PARPBP: variants seen among roughly 807,000 people sequenced by gnomAD.
PARPBP encodes the protein PCNA-interacting partner.
PARPBP carries 52 observed loss-of-function variants against 50.0 expected under a neutral mutation model. The observed-to-expected ratio is 1.04, with a 90% confidence interval of 0.83 to 1.31. The LOEUF is 1.31. PARPBP is among the 50% of genes most tolerant of loss of function. The pLI is 0.00. For synonymous variants in PARPBP, 244 were observed against 232.1 expected (o/e 1.05, Z -0.47); for missense variants, 697 against 672.0 (o/e 1.04, Z -0.41).
At chr12:102,159,873 A>G (rs1887375989) in intron 4 of PARPBP, among the ~76,000 whole-genome samples, 1 of 152,254 alleles carries the variant, frequency 6.6e-6, no homozygotes, top group East Asian at 1.9e-4. Context: ...CCTCTCAGTA[A>G]GAAGAGATAG....
At chr12:102,171,493 C>T (rs12426385) in intron 6 of PARPBP, among the ~76,000 whole-genome samples, 6,843 of 152,114 alleles carry the variant, frequency 0.045, 423 homozygotes, top group East Asian at 0.3. Context: ...TTATGTTGGG[C>T]TAAATATACA....
intron 8 of PARPBP, among the ~76,000 whole-genome samples, chr12:102,179,507 G>A (rs1164091477): frequency 6.6e-6 from 1 of 152,200 alleles, no homozygotes; most frequent in Non-Finnish European, 1.5e-5. Flanking sequence ...GCTGGTGAGG[G>A]CTTTCCCCTT....
intron 9 of PARPBP, among the ~76,000 whole-genome samples, chr12:102,193,877 A>G (rs1891026048): frequency 6.6e-6 from 1 of 152,018 alleles, no homozygotes; most frequent in Non-Finnish European, 1.5e-5. Flanking sequence ...CAACTTTTAA[A>G]AAAATAGTTT....
At position 102,144,789 on chromosome 12, in the gene PARPBP, T is replaced by C. The variant is rs183254058; in HGVS notation, c.154-3441T>C. Reference sequence around the variant, plus strand: ...TGGATTTATTTAATTTACATAGCATTTGGAAATTTTCTGATGTGTAACCTT... The same window carrying C: ...TGGATTTATTTAATTTACATAGCATCTGGAAATTTTCTGATGTGTAACCTT... On this transcript the variant is annotated intron_variant, in intron 2 of 10. Transcript: ENST00000327680. Among the ~76,000 whole-genome samples, 9 of 152,304 alleles carry C rather than the reference T, an allele frequency of 5.9e-5. No individual in the cohort carries two copies. In the East Asian group the frequency reaches 1.7e-3, roughly 29 times the overall value.
intron 6 of PARPBP, among the ~76,000 whole-genome samples, chr12:102,173,003 A>G (rs1002761055): frequency 2.6e-5 from 4 of 152,230 alleles, no homozygotes; most frequent in Non-Finnish European, 5.9e-5. Flanking sequence ...AGGCCCCCAG[A>G]TTGATTCTTC....
At chr12:102,170,127 C>T (rs1247458161) in intron 6 of PARPBP, among the ~76,000 whole-genome samples, 4 of 152,192 alleles carry the variant, frequency 2.6e-5, no homozygotes, top group Non-Finnish European at 5.9e-5. Flanking sequence ...CCATAAAATG[C>T]ATAGTGTACT....
At chr12:102,186,377 C>T (rs181009164) in intron 9 of PARPBP, among the ~76,000 whole-genome samples, 30 of 151,824 alleles carry the variant, frequency 2.0e-4, no homozygotes, top group Non-Finnish European at 3.8e-4. Context: ...TTTGGTTTAT[C>T]TTGCTTTTCT....
At chr12:102,178,564 A>G in intron 7 of PARPBP, 28 bp from the exon 8 acceptor site, 1 of 1,509,422 alleles carries the variant, frequency 6.6e-7, no homozygotes, top group Non-Finnish European at 9.0e-7. Flanking sequence ...TGATTATTAC[A>G]TTTACCTAAA....
chr12:102,135,689 C>G lies in PARPBP; in HGVS notation c.153+11648C>G, dbSNP rs558289699. Among the ~76,000 whole-genome samples the G allele has an allele frequency of 2.6e-5, 4 of 152,136 alleles. No individual in the cohort carries two copies. The East Asian group carries it at 7.7e-4, about 29-fold the overall frequency. ...ACACTCCTTGATGATAAGACCGTTA[C>G]TTGTATAAAGAGGGTATCTTTCACA... On this transcript the variant is annotated intron_variant, in intron 2 of 10. Transcript: ENST00000327680.
intron 2 of PARPBP, among the ~76,000 whole-genome samples, chr12:102,135,174 A>G (rs1458187064): frequency 6.6e-6 from 1 of 152,146 alleles, no homozygotes; most frequent in East Asian, 1.9e-4. Flanking sequence ...TGGCACAGGA[A>G]TATGTATAAG....
At chr12:102,139,379 T>G (rs897718953) in intron 2 of PARPBP, among the ~76,000 whole-genome samples, 3 of 152,242 alleles carry the variant, frequency 2.0e-5, no homozygotes, top group African/African-American at 4.8e-5. Flanking sequence ...AAGGAGATTT[T>G]GGGCTGAGAC....
chr12:102,163,421 A>G (rs11111187), intron 4 of PARPBP, among the ~76,000 whole-genome samples: 43,626 of 151,990 alleles, frequency 0.29, 6,700 homozygotes, highest in East Asian at 0.42. Context: ...GTCAGAGTTT[A>G]TATTCATTTT....
intron 9 of PARPBP, among the ~76,000 whole-genome samples, chr12:102,186,509 A>G (rs1048731196): frequency 3.3e-5 from 5 of 151,846 alleles, no homozygotes; most frequent in East Asian, 1.9e-4. Flanking sequence ...AGGTTTTGGT[A>G]TGTTGTGTTT....
At chr12:102,124,668 CA>C (rs1347313906) in intron 2 of PARPBP, among the ~76,000 whole-genome samples, 1 of 152,122 alleles carries the variant, frequency 6.6e-6, no homozygotes, top group African/African-American at 2.4e-5. Context: ...AAGAAGGGTT[CA>C]GGGGAATCAA....
chr12:102,151,969 T>C lies in PARPBP; in HGVS notation c.388-1900T>C, dbSNP rs1159517264. On this transcript the variant is annotated intron_variant, in intron 3 of 10. Transcript: ENST00000327680. The stretch of plus-strand genomic sequence containing the variant: ...GCATCTCAGAGAAATGCTTTTTTTG[T>C]GTACCATGGTTACCAAATACAGAGC... The C allele has an allele frequency of 5.0e-6, 3 of 595,426 alleles. No homozygotes were observed. The East Asian group carries it at 8.3e-5, about 17-fold the overall frequency. 36.9% of individuals were successfully genotyped at this position (595,426 alleles called of 1,614,324 possible). A position where few individuals can be genotyped will look rare whatever the true frequency, so the allele number is the denominator to read the frequency against.
intron 8 of PARPBP, among the ~76,000 whole-genome samples, chr12:102,179,247 T>C (rs1403990910): frequency 6.6e-6 from 1 of 152,224 alleles, no homozygotes; most frequent in East Asian, 1.9e-4. Context: ...TCAGGACTAC[T>C]ATTCTGCCTA....
At chr12:102,125,188 T>C (rs1881793127) in intron 2 of PARPBP, among the ~76,000 whole-genome samples, 1 of 152,130 alleles carries the variant, frequency 6.6e-6, no homozygotes, top group Non-Finnish European at 1.5e-5. Context: ...ATTGTAAAAA[T>C]TGGGAATACA....
chr12:102,127,839 A>G (rs1882242529), intron 2 of PARPBP, among the ~76,000 whole-genome samples: 1 of 152,234 alleles, frequency 6.6e-6, no homozygotes, highest in Admixed American at 6.5e-5. Context: ...TTCACAGCCT[A>G]ATTCAGCCTT....
chr12:102,151,383 G>T (rs1886176864), intron 3 of PARPBP, among the ~76,000 whole-genome samples: 1 of 152,144 alleles, frequency 6.6e-6, no homozygotes, highest in East Asian at 1.9e-4. Flanking sequence ...ATAGGTTTTT[G>T]GCTTTAACTT....
Sources: gnomAD v4.1 joint callset for allele counts (sites outside exome capture counted in the v4.1 genomes callset) on GRCh38, gnomAD v4.1.1 for gene constraint, MANE v1.5 for transcripts, NCBI Gene and HGNC (gene_info 2026-07-23, HGNC 2026-07-21) for gene names.